Variants in CYLD observed in about 807,000 individuals in gnomAD.
CYLD encodes ubiquitin carboxyl-terminal hydrolase CYLD.
In CYLD, 26 loss-of-function variants were observed where a neutral mutation model predicts 104.5. The ratio of observed to expected loss-of-function variants is 0.25; its 90% CI spans 0.18 to 0.35. CYLD has a LOEUF of 0.35. Ranked by LOEUF, CYLD falls within the 10% of genes least tolerant of loss-of-function variation. The pLI, the probability that CYLD is intolerant of heterozygous loss-of-function variation, is 1.00. For missense variants in CYLD, 703 were observed against 1,136.1 expected (o/e 0.62, Z 5.48); for synonymous variants, 385 against 399.9 (o/e 0.96, Z 0.45).
chr16:50,752,198 C>CATTTGAAT (rs1227170844), intron 4 of CYLD, among the ~76,000 whole-genome samples: 2 of 151,198 alleles, frequency 1.3e-5, no homozygotes, highest in Admixed American at 1.3e-4. Flanking sequence ...TTTTTTTTCC[C>CATTTGAAT]ATTTGAATAA....
chr16:50,752,887 A>C (rs1966746393), intron 4 of CYLD, among the ~76,000 whole-genome samples: 1 of 152,244 alleles, frequency 6.6e-6, no homozygotes, highest in Non-Finnish European at 1.5e-5. Flanking sequence ...GAATAAGAAG[A>C]GAAAGGCTGA....
intron 5 of CYLD, 57 bp from the exon 6 acceptor site, chr16:50,775,109 T>C: frequency 6.6e-7 from 1 of 1,515,844 alleles, no homozygotes; most frequent in Non-Finnish European, 9.0e-7. Flanking sequence ...ATTTTCCTAT[T>C]TCTTTCTTTC....
chr16:50,765,883 G>A (rs536628041), intron 5 of CYLD, among the ~76,000 whole-genome samples: 54 of 152,268 alleles, frequency 3.5e-4, no homozygotes, highest in African/African-American at 1.2e-3. Flanking sequence ...AGCTGCAGAA[G>A]AAAAGTTGGA....
At chr16:50,754,119 GA>G (rs1433932372) in intron 4 of CYLD, among the ~76,000 whole-genome samples, 199 bp from the exon 5 acceptor site, 3 of 151,904 alleles carry the variant, frequency 2.0e-5, no homozygotes, top group Non-Finnish European at 2.9e-5. Flanking sequence ...TTTCCCTAAA[GA>G]AAAAAATGAA....
At chr16:50,770,934 T>G (rs900661820) in intron 5 of CYLD, among the ~76,000 whole-genome samples, 2 of 152,238 alleles carry the variant, frequency 1.3e-5, no homozygotes, top group African/African-American at 4.8e-5. Flanking sequence ...ATCCTCTTAA[T>G]AGGGTCTTTC....
chr16:50,769,561 CA>C (rs1394704312), intron 5 of CYLD, among the ~76,000 whole-genome samples: 1 of 152,156 alleles, frequency 6.6e-6, no homozygotes, highest in Non-Finnish European at 1.5e-5. Context: ...ATTTTGAATA[CA>C]AACCCTTTTG....
At position 50,745,139 on chromosome 16, in the gene CYLD, C is replaced by T. The variant is rs138472151; in HGVS notation, c.-124+2298C>T. ...ATGAGTCATTTGTGATATACTCACT[C>T]AAAGTGATTCAACCTGCAAAATAAT... On this transcript the variant is annotated intron_variant, in intron 2 of 18. Coordinates refer to ENST00000427738, the MANE Select transcript of CYLD (RefSeq NM_001378743.1). 3.9e-5 allele frequency among the ~76,000 whole-genome samples: 6 copies of T among 152,240 alleles called. No homozygotes were observed. The East Asian group carries it at 1.2e-3, about 29-fold the overall frequency.
chr16:50,787,910 C>T, intron 14 of CYLD, 58 bp downstream of exon 14: 1 of 986,510 alleles, frequency 1.0e-6, no homozygotes, highest in South Asian at 1.4e-5. Flanking sequence ...ATTTCTACTG[C>T]CATTATTCAA....
intron 12 of CYLD, chr16:50,784,763 T>C (rs1970635546): frequency 3.4e-6 from 1 of 290,576 alleles, no homozygotes; most frequent in African/African-American, 2.2e-5. Context: ...GATTCTTATC[T>C]TTTGAAATAG....
chr16:50,755,567 AT>A (rs1345425151), intron 5 of CYLD, among the ~76,000 whole-genome samples: 1 of 152,080 alleles, frequency 6.6e-6, no homozygotes, highest in East Asian at 1.9e-4. Flanking sequence ...GATTATGGCC[AT>A]TCTTGCAAGA....
At chr16:50,763,331 T>G (rs1423904099) in intron 5 of CYLD, among the ~76,000 whole-genome samples, 1 of 152,208 alleles carries the variant, frequency 6.6e-6, no homozygotes, top group Non-Finnish European at 1.5e-5. Flanking sequence ...GCTACAAACA[T>G]GCATGTACAA....
chr16:50,772,393 T>C (rs1969245810), intron 5 of CYLD, among the ~76,000 whole-genome samples: 2 of 152,180 alleles, frequency 1.3e-5, no homozygotes, highest in Admixed American at 1.3e-4. Flanking sequence ...TGTCTAGAGA[T>C]TTTAGTTGTA....
chr16:50,743,826 TATGTATAACAATGA>T (rs1268911302), intron 2 of CYLD, among the ~76,000 whole-genome samples: 1 of 152,236 alleles, frequency 6.6e-6, no homozygotes, highest in Non-Finnish European at 1.5e-5. Flanking sequence ...TTTCTTCTTA[TATGTATAACAATGA>T]AGTGGTTTAG....
intron 5 of CYLD, among the ~76,000 whole-genome samples, chr16:50,756,811 T>C (rs1967298174): frequency 6.6e-6 from 1 of 152,204 alleles, no homozygotes; most frequent in Non-Finnish European, 1.5e-5. Context: ...CCCATTTCGC[T>C]GATAAAAAGC....
chr16:50,775,574 A>G (rs1302090508), intron 6 of CYLD, among the ~76,000 whole-genome samples: 1 of 152,182 alleles, frequency 6.6e-6, no homozygotes, highest in Non-Finnish European at 1.5e-5. Flanking sequence ...ACCATGATAC[A>G]TATTCCTAAC....
chr16:50,745,362 G>GTTTTTTTTT (rs535675323), intron 2 of CYLD, among the ~76,000 whole-genome samples: 10 of 78,754 alleles, frequency 1.3e-4, no homozygotes, highest in African/African-American at 2.2e-4. Context: ...TTTCCTCTTT[G>GTTTTTTTTT]TTTTTTTTTT....
rs369704250 is a variant in CYLD at position 50,781,924 on chromosome 16, T to C, written c.1685-401T>C. ...AATAGTGGAAAAGCATCTTGGGGCTTCAGCAGGTGCAAACAGGAAAGCCAT... is the reference window on the plus strand; with the variant it reads ...AATAGTGGAAAAGCATCTTGGGGCTCCAGCAGGTGCAAACAGGAAAGCCAT... On this transcript the variant is annotated intron_variant, in intron 10 of 18. Coordinates refer to ENST00000427738, the MANE Select transcript of CYLD (RefSeq NM_001378743.1). Among the ~76,000 whole-genome samples, 16 of 152,328 alleles carry C rather than the reference T, an allele frequency of 1.1e-4. No homozygotes were observed. In the East Asian group the frequency reaches 3.1e-3, roughly 29 times the overall value.
chr16:50,790,484 G>A (rs1432389648), intron 14 of CYLD, among the ~76,000 whole-genome samples: 1 of 150,890 alleles, frequency 6.6e-6, no homozygotes, highest in African/African-American at 2.4e-5. Context: ...AATTTTCTAT[G>A]CTTTTTGGCT....
chr16:50,765,958 G>T (rs1592639), intron 5 of CYLD, among the ~76,000 whole-genome samples: 15,617 of 152,244 alleles, frequency 0.1, 2,597 homozygotes, highest in African/African-American at 0.35. Flanking sequence ...AAAAGTGCAA[G>T]ATGAAGCAGC....
Sources: gnomAD v4.1 joint callset for allele counts (sites outside exome capture counted in the v4.1 genomes callset) on GRCh38, gnomAD v4.1.1 for gene constraint, MANE v1.5 for transcripts, NCBI Gene and HGNC (gene_info 2026-07-23, HGNC 2026-07-21) for gene names.